Variants in MAP3K13 observed in about 807,000 individuals in gnomAD.
MAP3K13 encodes mitogen-activated protein kinase kinase kinase 13, also known as leucine zipper-bearing kinase.
A neutral mutation model predicts 104.0 loss-of-function variants in MAP3K13; 52 were observed. That is an observed-to-expected ratio of 0.50 (90% CI 0.40 to 0.63). The LOEUF (loss-of-function observed/expected upper bound fraction) is 0.63, where lower values mean the gene tolerates loss of function less well. MAP3K13 is among the 20% of genes least tolerant of loss of function. The pLI is 0.00. For synonymous variants in MAP3K13, 394 were observed against 442.2 expected (o/e 0.89, Z 1.37); for missense variants, 914 against 1,218.5 (o/e 0.75, Z 3.72).
intron 2 of MAP3K13, among the ~76,000 whole-genome samples, chr3:185,328,325 T>C (rs1258854830): frequency 6.6e-6 from 1 of 152,166 alleles, no homozygotes; most frequent in African/African-American, 2.4e-5. Flanking sequence ...AGTTGTCTTT[T>C]TGTTTTTTGT....
At chr3:185,334,768 G>T (rs1306083720) in intron 2 of MAP3K13, among the ~76,000 whole-genome samples, 1 of 151,904 alleles carries the variant, frequency 6.6e-6, no homozygotes, top group African/African-American at 2.4e-5. Flanking sequence ...GCCACCACAC[G>T]TGGCTAATTT....
intron 7 of MAP3K13, among the ~76,000 whole-genome samples, chr3:185,461,023 T>C (rs1717067294): frequency 6.6e-6 from 1 of 152,204 alleles, no homozygotes; most frequent in Admixed American, 6.5e-5. Context: ...CTCTTATTCT[T>C]TTTTGGTCTA....
intron 2 of MAP3K13, among the ~76,000 whole-genome samples, chr3:185,322,416 T>A (rs1721901225): frequency 6.6e-6 from 1 of 152,216 alleles, no homozygotes; most frequent in Non-Finnish European, 1.5e-5. Context: ...GATGGAACCC[T>A]TTTTCCTAGA....
chr3:185,398,538 T>C (rs935568044), intron 1 of MAP3K13, among the ~76,000 whole-genome samples: 2 of 152,192 alleles, frequency 1.3e-5, no homozygotes, highest in African/African-American at 4.8e-5. Flanking sequence ...TATCCCCTAC[T>C]AGGTTAGACT....
chr3:185,291,688 C>T (rs1215399781), intron 2 of MAP3K13: 3 of 1,529,178 alleles, frequency 2.0e-6, no homozygotes, highest in Admixed American at 4.0e-5. Flanking sequence ...ATAACCTCAT[C>T]AAGACTTAGA....
At chr3:185,371,004 C>A (rs935867497) in intron 1 of MAP3K13, among the ~76,000 whole-genome samples, 1 of 152,046 alleles carries the variant, frequency 6.6e-6, no homozygotes, top group African/African-American at 2.4e-5. Context: ...AAAATGAAGA[C>A]CCACTAAATT....
At position 185,488,166 on chromosome 3, in the gene MAP3K13, G is replaced by A. The variant is rs1718810061; in HGVS notation, c.*5710G>A. 2 of 152,184 alleles carry A rather than the reference G, an allele frequency of 1.3e-5. No homozygotes were observed. Among genetic ancestry groups the A allele is most frequent in the African/African-American group, 4.8e-5 (2 of 41,460 alleles). The allele number at this position is 152,184 out of a possible 1,614,324, so 9.4% of individuals were successfully genotyped here. On this transcript the variant is annotated 3_prime_UTR_variant, in exon 14 of 14. Transcript: ENST00000265026. Reference sequence around the variant, plus strand: ...CCCAGTTACTTGCTTCTTAGACTCTGTGAGACTCATGTACCAAAACAATGT... The same window carrying A: ...CCCAGTTACTTGCTTCTTAGACTCTATGAGACTCATGTACCAAAACAATGT...
chr3:185,375,960 G>T (rs1021833134), intron 1 of MAP3K13, among the ~76,000 whole-genome samples: 1 of 152,210 alleles, frequency 6.6e-6, no homozygotes, highest in African/African-American at 2.4e-5. Context: ...AAGGCAGTCA[G>T]TTTGGCTTGC....
chr3:185,300,518 G>A (rs746292139), intron 2 of MAP3K13, among the ~76,000 whole-genome samples: 5 of 147,872 alleles, frequency 3.4e-5, no homozygotes, highest in African/African-American at 7.5e-5. Context: ...TTCAGATGGA[G>A]TGTAGCTTTG....
rs145167421 is a variant in MAP3K13 at position 185,345,262 on chromosome 3, C to T, written c.-86+59619C>T. On this transcript the variant is annotated intron_variant, in intron 2 of 14. Transcript: ENST00000424227. ...ACATACACACACACACACACGTAAA[C>T]GCATACACCTTCTTCCGGTTAAGGC... is the stretch of plus-strand genomic sequence containing the variant. Among the ~76,000 whole-genome samples, 555 of 152,212 alleles carry T rather than the reference C, an allele frequency of 3.6e-3. 2 individuals are homozygous for T. Among genetic ancestry groups the T allele is most frequent in the African/African-American group, 0.013 (541 of 41,526 alleles).
Position 185,465,804 on chromosome 3 carries a change from A to G in MAP3K13, c.1446A>G (p.Leu482=). The G allele has an allele frequency of 1.9e-6, 3 of 1,614,142 alleles. No individual in the cohort carries two copies. The highest frequency in any genetic ancestry group is 2.5e-6 in the Non-Finnish European group (3 of 1,179,994). ...YERKLERANN[L]YMELSAIMLQ... is the part of the protein sequence containing the mutation. ...GGAAGCTTGAGCGGGCGAATAATTT[A>G]TACATGGAATTGAGTGCCATCATGC... Residue 482 remains leucine (L), a synonymous_variant, in exon 9 of 14, where the codon TTA becomes TTG. Transcript: ENST00000265026.
intron 1 of MAP3K13, among the ~76,000 whole-genome samples, chr3:185,399,843 G>T (rs1322349200): frequency 1.3e-5 from 2 of 151,722 alleles, no homozygotes; most frequent in Admixed American, 6.6e-5. Context: ...CCTCCCTGCA[G>T]CTCCTCCGCC....
intron 2 of MAP3K13, among the ~76,000 whole-genome samples, chr3:185,326,911 C>T (rs528489960): frequency 6.6e-6 from 1 of 152,078 alleles, no homozygotes; most frequent in Non-Finnish European, 1.5e-5. Context: ...TTTTCATTTG[C>T]GTATTCTGTT....
intron 11 of MAP3K13, among the ~76,000 whole-genome samples, chr3:185,476,018 T>C (rs543502177): frequency 6.6e-6 from 1 of 152,264 alleles, no homozygotes; most frequent in Non-Finnish European, 1.5e-5. Context: ...AAGTGTATAG[T>C]TCAATGCTTT....
chr3:185,443,092 G>A (rs1356160773), intron 3 of MAP3K13, among the ~76,000 whole-genome samples: 1 of 152,084 alleles, frequency 6.6e-6, no homozygotes, highest in African/African-American at 2.4e-5. Context: ...ACCCGCCTTG[G>A]CCTCCCAAAT....
intron 1 of MAP3K13, among the ~76,000 whole-genome samples, chr3:185,284,978 T>G (rs1720456256): frequency 6.6e-6 from 1 of 152,008 alleles, no homozygotes; most frequent in African/African-American, 2.4e-5. Flanking sequence ...TTTCAGAATC[T>G]TACTGTTAGA....
intron 1 of MAP3K13, chr3:185,417,827 G>T: frequency 1.2e-6 from 2 of 1,610,180 alleles, no homozygotes; most frequent in Non-Finnish European, 1.7e-6. Context: ...TTTTTCAGTG[G>T]GTTCTTCTTT....
At chr3:185,362,948 C>T (rs1305108175), upstream of MAP3K13, 1 of 114,274 alleles carries the variant, frequency 8.8e-6, no homozygotes, top group Non-Finnish European at 1.9e-5. Flanking sequence ...CACACACACA[C>T]ACACACACGC....
In MAP3K13 at chr3:185,473,079, G is replaced by A. The variant is rs765143232; in HGVS notation, c.1748G>A (p.Arg583Gln). The A allele has an allele frequency of 2.5e-6, 4 of 1,613,988 alleles. No homozygotes were observed. Among genetic ancestry groups the A allele is most frequent in the South Asian group, 1.1e-5 (1 of 91,080 alleles). The part of the protein sequence containing the change: ...PKMSTSSSKS[R>Q]YRSKPRHRRG... ...ATGTCCACTTCTAGCAGCAAGAGCC[G>A]ATATCGAAGCAAACCACGCCACCGC... The change falls in exon 11 of 14, where the codon CGA (arginine) becomes CAA (glutamine). Residue 583 changes from arginine to glutamine, a missense_variant. By Grantham distance (43) the Arg-to-Gln change is conservative. Coordinates refer to ENST00000265026, the MANE Select transcript of MAP3K13 (RefSeq NM_004721.5). This position sits in a 1 kb window ranked among gnomAD's most constrained non-coding sequence, Gnocchi z 4.9.
Sources: allele counts gnomAD v4.1 joint callset (sites outside exome capture counted in the v4.1 genomes callset), GRCh38; gene constraint gnomAD v4.1.1; non-coding constraint Gnocchi (gnomAD v3.1); transcripts MANE v1.5; gene names NCBI Gene and HGNC (gene_info 2026-07-23, HGNC 2026-07-21).